OTOF: variants seen among roughly 807,000 people sequenced by gnomAD.
OTOF encodes the protein fer-1-like family member 2.
Under a neutral mutation model 236.8 loss-of-function variants are expected in OTOF, and 218 were observed. The ratio of observed to expected loss-of-function variants is 0.92; its 90% CI spans 0.82 to 1.03. The LOEUF is 1.03. OTOF is among the 50% of genes least tolerant of loss of function. The pLI is 0.00. For synonymous variants in OTOF, 1,041 were observed against 1,072.5 expected, an observed-to-expected ratio of 0.97 and a Z score of 0.57; for missense variants, 2,590 against 2,694.4, an observed-to-expected ratio of 0.96 and a Z score of 0.86.
Position 26,482,582 on chromosome 2 carries a change from G to A in OTOF, c.1403C>T (p.Ser468Leu). ...GGGCTCATAGCTGCTCTTCTGCACT[G>A]AAGTCTTGCCCTGGTGGAAGGGGGA... is the stretch of plus-strand genomic sequence containing the variant. The part of the protein sequence containing the change: ...VFFAGQKGKT[S>L]VQKSSYEPLW... Residue 468 changes from serine to leucine, a missense_variant, in exon 14 of 47, where the codon TCA becomes TTA. By Grantham distance (145) the Ser-to-Leu change is moderately radical. Coordinates refer to ENST00000272371, the MANE Select transcript of OTOF (RefSeq NM_194248.3). The A allele has an allele frequency of 6.2e-7, 1 of 1,612,884 alleles. No individual in the cohort carries two copies. Among genetic ancestry groups the A allele is most frequent in the Non-Finnish European group, 8.5e-7 (1 of 1,179,602 alleles).
intron 5 of OTOF, chr2:26,510,603 A>G (rs1386233096): frequency 2.9e-6 from 2 of 691,794 alleles, no homozygotes; most frequent in Non-Finnish European, 4.4e-6. Flanking sequence ...CCCACTCCTG[A>G]GCCCTCTCAG....
chr2:26,520,023 A>G (rs112800391), intron 3 of OTOF, among the ~76,000 whole-genome samples: 81 of 152,354 alleles, frequency 5.3e-4, no homozygotes, highest in African/African-American at 1.9e-3. Context: ...TTAATGAACA[A>G]CAGTGGGTGC....
intron 46 of OTOF, among the ~76,000 whole-genome samples, 191 bp downstream of exon 46, chr2:26,459,817 A>C (rs1470568273): frequency 6.6e-6 from 1 of 152,160 alleles, no homozygotes; most frequent in South Asian, 2.1e-4. Context: ...GTGTGGGCTT[A>C]AGTGTGTGCC....
chr2:26,472,462 G>A (rs1665033895), intron 30 of OTOF, 57 bp downstream of exon 30: 1 of 1,606,828 alleles, frequency 6.2e-7, no homozygotes, highest in African/African-American at 1.3e-5. Flanking sequence ...TTCACAGGAT[G>A]TGTCACACGA....
At chr2:26,471,028 G>T in intron 31 of OTOF, 93 bp downstream of exon 31, 2 of 1,493,084 alleles carry the variant, frequency 1.3e-6, no homozygotes, top group Non-Finnish European at 9.3e-7. Context: ...GGCTGGGGCT[G>T]GCTCTGTCCC....
intron 1 of OTOF, among the ~76,000 whole-genome samples, chr2:26,539,485 C>A (rs1311501530): frequency 6.6e-6 from 1 of 152,224 alleles, no homozygotes; most frequent in Non-Finnish European, 1.5e-5. Context: ...CCTGTAATCC[C>A]AGCAATTTGG....
At chr2:26,484,755 T>G in intron 11 of OTOF, 122 bp from the exon 12 acceptor site, 1 of 948,060 alleles carries the variant, frequency 1.1e-6, no homozygotes, top group South Asian at 1.6e-5. Context: ...TCCCGGGACC[T>G]GGGGCCACAG....
intron 5 of OTOF, among the ~76,000 whole-genome samples, chr2:26,509,533 T>C (rs1271037722): frequency 6.6e-6 from 1 of 152,198 alleles, no homozygotes; most frequent in Non-Finnish European, 1.5e-5. Context: ...TTTGAAGCAA[T>C]GAATGAGGCT....
intron 1 of OTOF, among the ~76,000 whole-genome samples, chr2:26,552,123 C>T (rs569286240): frequency 1.3e-5 from 2 of 148,380 alleles, no homozygotes; most frequent in South Asian, 4.3e-4. Context: ...GGCACAGTGG[C>T]TTACGCCTAT....
chr2:26,512,640 G>A (rs766587498), intron 5 of OTOF, among the ~76,000 whole-genome samples: 3 of 152,190 alleles, frequency 2.0e-5, no homozygotes, highest in Non-Finnish European at 4.4e-5. Flanking sequence ...CTGCCCCTGG[G>A]CCAGTAAGGC....
chr2:26,462,040 C>G lies in OTOF; in HGVS notation c.5291+43G>C. 1 of 1,605,526 alleles carries G rather than the reference C, an allele frequency of 6.2e-7. No homozygotes were observed. Among genetic ancestry groups the G allele is most frequent in the Non-Finnish European group, 8.5e-7 (1 of 1,172,654 alleles). ...CTCTCCTGCCCCCCGGGAAGCAAGC[C>G]CCACCCAGCTCAGTCCCTCCCATGC... On this transcript the variant is annotated intron_variant, in intron 42 of 46. Transcript: ENST00000272371. This position sits in a 1 kb window ranked among gnomAD's most constrained non-coding sequence, Gnocchi z 4.7.
intron 1 of OTOF, among the ~76,000 whole-genome samples, chr2:26,553,759 G>C (rs1667519284): frequency 6.6e-6 from 1 of 152,142 alleles, no homozygotes; most frequent in Admixed American, 6.5e-5. Flanking sequence ...CTCAGAGCCT[G>C]CTCCCACCTC....
intron 2 of OTOF, among the ~76,000 whole-genome samples, chr2:26,531,449 G>A (rs1283922456): frequency 2.6e-5 from 4 of 152,170 alleles, no homozygotes; most frequent in South Asian, 2.1e-4. Context: ...GATCTCACAG[G>A]TGACAGCAGT....
rs397515600 is a variant in OTOF at position 26,467,435 on chromosome 2, G to C, written c.4157C>G (p.Thr1386Ser). Residue 1386 changes from threonine to serine, a missense_variant, in exon 34 of 47, where the codon ACT (threonine) becomes AGT (serine). Physicochemically the swap from Thr to Ser is moderately conservative, Grantham distance 58. Around this residue, in one of 2 missense-constraint regions of OTOF, gnomAD observed 1,211 missense variants for 1,352.8 expected, o/e 0.90. Coordinates refer to ENST00000272371, the MANE Select transcript of OTOF (RefSeq NM_194248.3). ...CCCCTGGCCAGAGCCAGAGCTCTGA[G>C]TTTTCTTCTTCTTCTCCTCTTTGGC... ...RAAKEEKKKKTQSSGSGQGSE... is the reference protein window; with the variant it reads ...RAAKEEKKKKSQSSGSGQGSE... 5 of 1,614,048 alleles carry C rather than the reference G, an allele frequency of 3.1e-6. No homozygotes were observed. The highest frequency in any genetic ancestry group is 4.2e-6 in the Non-Finnish European group (5 of 1,180,022).
Position 26,477,944 on chromosome 2 carries a change from G to T in OTOF, c.2215-195C>A. ...CTGTTCTCAGAACCTGGAGATGTTG[G>T]TGTTCATGGGGGTTCTTCAGTTCCT... On this transcript the variant is annotated intron_variant, in intron 18 of 46. Coordinates refer to ENST00000272371, the MANE Select transcript of OTOF (RefSeq NM_194248.3). This position sits in a 1 kb window ranked among gnomAD's most constrained non-coding sequence, Gnocchi z 4.7. The T allele has an allele frequency of 7.0e-7, 1 of 1,428,748 alleles. No individual in the cohort carries two copies. Among genetic ancestry groups the T allele is most frequent in the Non-Finnish European group, 9.0e-7 (1 of 1,105,044 alleles). 88.5% of individuals were successfully genotyped at this position (1,428,748 alleles called of 1,614,324 possible).
chr2:26,518,163 A>G (rs1343352667), intron 4 of OTOF, among the ~76,000 whole-genome samples: 1 of 152,214 alleles, frequency 6.6e-6, no homozygotes, highest in South Asian at 2.1e-4. Flanking sequence ...ACAGGACCCC[A>G]CTGGGGGACC....
chr2:26,465,476 C>T (rs1332104956), intron 38 of OTOF, among the ~76,000 whole-genome samples, 196 bp downstream of exon 38: 1 of 152,236 alleles, frequency 6.6e-6, no homozygotes, highest in Non-Finnish European at 1.5e-5. Flanking sequence ...TCCTGGAATC[C>T]ACTGTCCCTC....
rs774280133 is a variant in OTOF, at chr2:26,501,791, T to C, written c.728A>G (p.Lys243Arg). The C allele has an allele frequency of 6.2e-7, 1 of 1,613,810 alleles. No homozygotes were observed. The highest frequency in any genetic ancestry group is 1.1e-5 in the South Asian group (1 of 91,074). Residue 243 changes from lysine to arginine, a missense_variant, in exon 8 of 47, where the codon AAG becomes AGG. By Grantham distance (26) the Lys-to-Arg change is conservative. Around this residue, in one of 2 missense-constraint regions of OTOF, gnomAD observed 1,379 missense variants for 1,341.6 expected, o/e 1.03. Coordinates refer to ENST00000272371, the MANE Select transcript of OTOF (RefSeq NM_194248.3). ...GGGCCGCCCAGCACTTGGCTCCATC[T>C]TAATGTCTGGCTTAGATCTGAGGAA... Reference protein sequence around the residue: ...VSNKRSKPDIKMEPSAGRPMD... With the variant: ...VSNKRSKPDIRMEPSAGRPMD...
intron 11 of OTOF, 114 bp downstream of exon 11, chr2:26,489,097 G>T: frequency 1.3e-6 from 1 of 771,170 alleles, no homozygotes; most frequent in Non-Finnish European, 2.2e-6. Context: ...ACAGTCGCCA[G>T]ACTGTGGTCC....
Sources: allele counts gnomAD v4.1 joint callset (sites outside exome capture counted in the v4.1 genomes callset), GRCh38; gene constraint gnomAD v4.1.1; regional missense constraint gnomAD v4.1.1; non-coding constraint Gnocchi (gnomAD v3.1); transcripts MANE v1.5; gene names NCBI Gene and HGNC (gene_info 2026-07-23, HGNC 2026-07-21).